Variants in SRBD1 observed in about 807,000 individuals in gnomAD.
SRBD1 encodes S1 RNA-binding domain-containing protein 1.
A neutral mutation model predicts 115.3 loss-of-function variants in SRBD1; 88 were observed. That is an observed-to-expected ratio of 0.76 (90% CI 0.64 to 0.91). The LOEUF is 0.91. Among genes scored for constraint, SRBD1 ranks in the 40% least tolerant of loss-of-function variants. The pLI, the probability that SRBD1 is intolerant of heterozygous loss-of-function variation, is 0.00. For missense variants in SRBD1, 1,385 were observed against 1,177.4 expected, an observed-to-expected ratio of 1.18 and a Z score of -2.58; for synonymous variants, 509 against 407.7, an observed-to-expected ratio of 1.25 and a Z score of -2.99.
In SRBD1 at chr2:45,599,623, G is replaced by C. The variant is rs765990730; in HGVS notation, c.474C>G (p.Ser158Arg). Reference sequence around the variant, plus strand: ...TCTTGCATGTACCTCCCCACACAGTGCTTGTGGATGGTGTCTCTGAACTAT... The same window carrying C: ...TCTTGCATGTACCTCCCCACACAGTCCTTGTGGATGGTGTCTCTGAACTAT... The part of the protein sequence containing the change: ...ESNSSETPST[S>R]TVWGGTCKKE... The change falls in exon 4 of 21, where the codon AGC becomes AGG. Residue 158 changes from serine (S) to arginine (R), a missense_variant. Ser to Arg is a moderately radical substitution (Grantham distance 110, BLOSUM62 -1). Transcript: ENST00000263736. 1 of 1,614,210 alleles carries C rather than the reference G, an allele frequency of 6.2e-7. No homozygotes were observed. Among genetic ancestry groups the C allele is most frequent in the Non-Finnish European group, 8.5e-7 (1 of 1,180,040 alleles).
chr2:45,417,357 T>C (rs1667864015), intron 18 of SRBD1, among the ~76,000 whole-genome samples: 1 of 152,178 alleles, frequency 6.6e-6, no homozygotes, highest in South Asian at 2.1e-4. Flanking sequence ...AATTAATCAA[T>C]TTTACCCTAC....
chr2:45,596,929 AACACACAC>A (rs3223332), intron 4 of SRBD1, among the ~76,000 whole-genome samples: 3 of 143,130 alleles, frequency 2.1e-5, no homozygotes, highest in Non-Finnish European at 3.0e-5. Flanking sequence ...CCACAACCCT[AACACACAC>A]ACACACACAC....
intron 14 of SRBD1, among the ~76,000 whole-genome samples, chr2:45,542,292 G>A (rs184167601): frequency 6.6e-6 from 1 of 152,374 alleles, no homozygotes; most frequent in African/African-American, 2.4e-5. Context: ...TCTGGAGCGG[G>A]TGCTGGGAGC....
chr2:45,434,512 G>A lies in SRBD1; in HGVS notation c.2050-14618C>T, dbSNP rs932420469. Among the ~76,000 whole-genome samples the A allele has an allele frequency of 5.9e-5, 9 of 152,268 alleles. No homozygotes were observed. In the South Asian group the frequency reaches 1.2e-3, roughly 21 times the overall value. Reference sequence around the variant, plus strand: ...CAGAGAAATAAAGTCAGTTTATTCTGTCAAGGATCTCCTACCTCTAAAAAC... The same window carrying A: ...CAGAGAAATAAAGTCAGTTTATTCTATCAAGGATCTCCTACCTCTAAAAAC... On this transcript the variant is annotated intron_variant, in intron 16 of 20. Transcript: ENST00000263736.
At chr2:45,456,280 T>G (rs1413511902) in intron 16 of SRBD1, among the ~76,000 whole-genome samples, 2 of 151,878 alleles carry the variant, frequency 1.3e-5, no homozygotes, top group East Asian at 3.8e-4. Flanking sequence ...TAAGATGACC[T>G]TGATAGAAAT....
intron 4 of SRBD1, among the ~76,000 whole-genome samples, chr2:45,596,988 T>TCA (rs36095012): frequency 0.24 from 34,113 of 140,610 alleles, 4,936 homozygotes; most frequent in Non-Finnish European, 0.34. Context: ...CCCACAACCC[T>TCA]CACACACACA....
In SRBD1 at chr2:45,413,097, A is replaced by T; in HGVS notation, c.2513+17T>A. 1 of 1,604,034 alleles carries T rather than the reference A, an allele frequency of 6.2e-7. No individual in the cohort carries two copies. The highest frequency in any genetic ancestry group is 8.5e-7 in the Non-Finnish European group (1 of 1,175,872). On this transcript the variant is annotated intron_variant, in intron 19 of 20. Coordinates refer to ENST00000263736, the MANE Select transcript of SRBD1 (RefSeq NM_018079.5). ...CACTCTGCATATGGAGAATTCCCAC[A>T]TGGGCCTCAGACTTACCTCATTGCT...
At chr2:45,600,624 C>G (rs1011522713) in intron 3 of SRBD1, among the ~76,000 whole-genome samples, 1 of 152,174 alleles carries the variant, frequency 6.6e-6, no homozygotes, top group East Asian at 1.9e-4. Flanking sequence ...GCAGCCCACA[C>G]AGGTGTCTAG....
intron 14 of SRBD1, among the ~76,000 whole-genome samples, chr2:45,544,612 C>T (rs1230886741): frequency 1.3e-5 from 2 of 152,138 alleles, no homozygotes; most frequent in Non-Finnish European, 2.9e-5. Context: ...ATAGATTTTA[C>T]ACAAGTACGA....
At chr2:45,527,018 T>C (rs375322746) in intron 14 of SRBD1, among the ~76,000 whole-genome samples, 21 of 152,038 alleles carry the variant, frequency 1.4e-4, no homozygotes, top group African/African-American at 4.8e-4. Flanking sequence ...TCATTTTAAG[T>C]TGTTTCCATA....
chr2:45,435,449 G>A (rs1005608172), intron 16 of SRBD1, among the ~76,000 whole-genome samples: 1 of 151,712 alleles, frequency 6.6e-6, no homozygotes, highest in Non-Finnish European at 1.5e-5. Context: ...AGAGAATGAA[G>A]CTCTGAAGAG....
At chr2:45,434,751 T>A (rs932347034) in intron 16 of SRBD1, among the ~76,000 whole-genome samples, 2 of 151,912 alleles carry the variant, frequency 1.3e-5, no homozygotes, top group Non-Finnish European at 2.9e-5. Flanking sequence ...AAGCCTTTCT[T>A]GCCTATTTGC....
At chr2:45,573,465 G>A in intron 8 of SRBD1, 123 bp from the exon 9 acceptor site, 1 of 1,125,076 alleles carries the variant, frequency 8.9e-7, no homozygotes, top group Non-Finnish European at 1.2e-6. Flanking sequence ...TTTTAATGAT[G>A]CCCAGCTATG....
At chr2:45,465,887 C>G (rs1191112644) in intron 16 of SRBD1, among the ~76,000 whole-genome samples, 1 of 152,090 alleles carries the variant, frequency 6.6e-6, no homozygotes, top group Non-Finnish European at 1.5e-5. Flanking sequence ...CAGTTCTGAT[C>G]CCACTTCAAC....
intron 4 of SRBD1, among the ~76,000 whole-genome samples, chr2:45,594,618 G>A (rs376709465): frequency 3.3e-5 from 5 of 152,146 alleles, no homozygotes; most frequent in African/African-American, 7.2e-5. Context: ...CCCCAACCCC[G>A]GATCAGGAAA....
At chr2:45,429,445 C>T (rs1275840653) in intron 16 of SRBD1, among the ~76,000 whole-genome samples, 3 of 151,982 alleles carry the variant, frequency 2.0e-5, no homozygotes, top group Admixed American at 1.3e-4. Context: ...GCTTATCCAC[C>T]GAGATCAAGT....
intron 14 of SRBD1, among the ~76,000 whole-genome samples, chr2:45,525,088 C>CA (rs1028618250): frequency 2.0e-5 from 3 of 151,048 alleles, no homozygotes; most frequent in Non-Finnish European, 3.0e-5. Flanking sequence ...TAGCCACAGG[C>CA]AAAAAAAATG....
intron 6 of SRBD1, 37 bp from the exon 7 acceptor site, chr2:45,580,050 T>A: frequency 7.0e-7 from 1 of 1,438,220 alleles, no homozygotes; most frequent in Non-Finnish European, 9.2e-7. Context: ...GATTATGTTT[T>A]AAAAAAACAA....
intron 14 of SRBD1, among the ~76,000 whole-genome samples, chr2:45,522,687 C>T (rs1341093041): frequency 6.6e-6 from 1 of 152,202 alleles, no homozygotes; most frequent in African/African-American, 2.4e-5. Flanking sequence ...TCAGCCTACT[C>T]AAATAAAGAT....
Sources: gnomAD v4.1 joint callset for allele counts (sites outside exome capture counted in the v4.1 genomes callset) on GRCh38, gnomAD v4.1.1 for gene constraint, MANE v1.5 for transcripts, NCBI Gene and HGNC (gene_info 2026-07-23, HGNC 2026-07-21) for gene names.